FBN1: variants seen among roughly 807,000 people sequenced by gnomAD.
The protein encoded by FBN1 is fibrillin-1.
A neutral mutation model predicts 365.1 loss-of-function variants in FBN1; 29 were observed. The ratio of observed to expected loss-of-function variants is 0.08; its 90% confidence interval spans 0.06 to 0.11. The LOEUF (loss-of-function observed/expected upper bound fraction) is 0.11. Ranked by LOEUF, FBN1 falls within the 10% of genes least tolerant of loss-of-function variation. FBN1 has a pLI of 1.00. For synonymous variants in FBN1, 1,210 were observed against 1,270.5 expected, an observed-to-expected ratio of 0.95 and a Z score of 1.01; for missense variants, 2,476 against 3,703.2, an observed-to-expected ratio of 0.67 and a Z score of 8.60.
intron 51 of FBN1, 43 bp downstream of exon 51, chr15:48,437,725 G>A: frequency 1.2e-6 from 2 of 1,609,764 alleles, no homozygotes; most frequent in Middle Eastern, 1.7e-4. Context: ...TGGCCAGTCT[G>A]CACCCTGCAT....
At chr15:48,423,496 T>C (rs1457562236) in intron 60 of FBN1, among the ~76,000 whole-genome samples, 1 of 152,226 alleles carries the variant, frequency 6.6e-6, no homozygotes, top group Non-Finnish European at 1.5e-5. Context: ...TTCCCCTGTC[T>C]ATGGCCCAAG....
rs1243025749 is a variant in FBN1, at chr15:48,434,696, C to T, written c.6514G>A (p.Val2172Ile). 3.1e-6 allele frequency: 5 copies of T among 1,613,694 alleles called. No individual in the cohort carries two copies. The highest frequency in any genetic ancestry group is 4.2e-6 in the Non-Finnish European group (5 of 1,179,722). ...NECVDTDECS[V>I]GNPCGNGTCK... ...GTTCCATTTCCACAAGGATTGCCAA[C>T]AGAACATTCATCAGTATCTGCAAGA... is the stretch of plus-strand genomic sequence containing the variant. Residue 2172 changes from valine (V) to isoleucine (I), a missense_variant, in exon 54 of 66, where the codon GTT (valine) becomes ATT (isoleucine). Physicochemically the swap from Val to Ile is conservative, Grantham distance 29. Coordinates refer to ENST00000316623, the MANE Select transcript of FBN1 (RefSeq NM_000138.5).
chr15:48,464,087 TA>T (rs1395474849), intron 40 of FBN1, 66 bp from the exon 41 acceptor site: 2 of 1,493,842 alleles, frequency 1.3e-6, no homozygotes, highest in East Asian at 4.6e-5. Flanking sequence ...GCCTGATACT[TA>T]ATGAATGTTG....
At chr15:48,581,895 C>A (rs1370463532) in intron 6 of FBN1, among the ~76,000 whole-genome samples, 1 of 152,142 alleles carries the variant, frequency 6.6e-6, no homozygotes, top group Non-Finnish European at 1.5e-5. Context: ...TAGACACCTG[C>A]CTTAGAATTC....
chr15:48,537,690 G>C lies in FBN1; in HGVS notation c.657C>G (p.His219Gln), dbSNP rs774754863. Residue 219 changes from histidine (H) to glutamine (Q), a missense_variant, in exon 7 of 66, where the codon CAC (histidine) becomes CAG (glutamine). His to Gln is a conservative substitution (Grantham distance 24, BLOSUM62 0). Around this residue, in one of 5 missense-constraint regions of FBN1, gnomAD observed 421 missense variants for 520.1 expected, o/e 0.81. Transcript: ENST00000316623. ...CCATVGRAWG[H>Q]PCEMCPAQPH... is the part of the protein sequence containing the mutation. The stretch of plus-strand genomic sequence containing the variant: ...GCTGGGCAGGACACATCTCACAGGG[G>C]TGGCCCCAGGCTCGGCCGACTGTGG... 3.1e-6 allele frequency: 5 copies of C among 1,614,228 alleles called. No individual in the cohort carries two copies. The East Asian group carries it at 8.9e-5, about 29-fold the overall frequency.
intron 4 of FBN1, among the ~76,000 whole-genome samples, chr15:48,605,762 C>G (rs1024889032): frequency 1.3e-5 from 2 of 152,046 alleles, no homozygotes; most frequent in Non-Finnish European, 2.9e-5. Context: ...GTAGTCCCAG[C>G]TACTCAAGAG....
intron 44 of FBN1, 101 bp downstream of exon 44, chr15:48,456,535 TG>T: frequency 8.7e-7 from 1 of 1,150,936 alleles, no homozygotes; most frequent in South Asian, 1.2e-5. Flanking sequence ...TAGAGCTTAA[TG>T]CATTTCTGAA....
intron 2 of FBN1, among the ~76,000 whole-genome samples, chr15:48,615,236 T>C (rs1051483541): frequency 6.6e-6 from 1 of 152,006 alleles, no homozygotes; most frequent in Non-Finnish European, 1.5e-5. Flanking sequence ...GTCAGAGCAC[T>C]CCTGAGCCTT....
chr15:48,455,558 T>C (rs563922538), intron 44 of FBN1, among the ~76,000 whole-genome samples: 1 of 152,278 alleles, frequency 6.6e-6, no homozygotes, highest in South Asian at 2.1e-4. Context: ...CTGCCGTGGG[T>C]TCCCTCTCCC....
At chr15:48,450,045 G>C (rs552118187) in intron 45 of FBN1, among the ~76,000 whole-genome samples, 196 of 152,288 alleles carry the variant, frequency 1.3e-3, no homozygotes, top group Non-Finnish European at 2.3e-3. Flanking sequence ...AATTGAAATA[G>C]AGCAGCTTAG....
intron 57 of FBN1, 121 bp downstream of exon 57, chr15:48,428,225 G>A: frequency 7.6e-7 from 1 of 1,313,724 alleles, no homozygotes; most frequent in Non-Finnish European, 1.1e-6. Flanking sequence ...TCCAAAATAT[G>A]AACATTTTTT....
intron 6 of FBN1, among the ~76,000 whole-genome samples, chr15:48,593,606 T>A (rs1489332260): frequency 2.6e-5 from 4 of 152,178 alleles, no homozygotes; most frequent in Non-Finnish European, 5.9e-5. Flanking sequence ...CAGGAGATAC[T>A]TGTTCATATC....
intron 15 of FBN1, among the ~76,000 whole-genome samples, chr15:48,506,449 A>C (rs1389215160): frequency 2.0e-5 from 3 of 152,242 alleles, no homozygotes; most frequent in African/African-American, 7.2e-5. Context: ...TTATATTTAA[A>C]TACAGGAACT....
In FBN1 at chr15:48,489,990, G is replaced by C; in HGVS notation, c.2943C>G (p.Cys981Trp). ...TACCCCAGGCTGCCCCGACGGAGCAGCAGCAGGCGTCCATGCGGTGGCGGC... is the reference window on the plus strand; with the variant it reads ...TACCCCAGGCTGCCCCGACGGAGCACCAGCAGGCGTCCATGCGGTGGCGGC... Reference protein sequence around the residue: ...IAGRHRMDACCCSVGAAWGTE... With the variant: ...IAGRHRMDACWCSVGAAWGTE... The change falls in exon 25 of 66, where the codon TGC (cysteine) becomes TGG (tryptophan). Residue 981 changes from cysteine (C) to tryptophan (W), a missense_variant. Transcript: ENST00000316623. 1 of 1,614,100 alleles carries C rather than the reference G, an allele frequency of 6.2e-7. No individual in the cohort carries two copies. Among genetic ancestry groups the C allele is most frequent in the South Asian group, 1.1e-5 (1 of 91,068 alleles).
intron 24 of FBN1, among the ~76,000 whole-genome samples, chr15:48,490,894 T>C (rs1463418112): frequency 1.3e-5 from 2 of 152,260 alleles, no homozygotes; most frequent in African/African-American, 4.8e-5. Flanking sequence ...ATTATGCATC[T>C]GAAAATAATG....
chr15:48,621,985 G>A (rs1297907061), intron 2 of FBN1, among the ~76,000 whole-genome samples: 3 of 148,692 alleles, frequency 2.0e-5, no homozygotes, highest in Admixed American at 6.7e-5. Flanking sequence ...GTGACAGAGC[G>A]AGACTCTGTC....
intron 6 of FBN1, among the ~76,000 whole-genome samples, chr15:48,595,088 C>T (rs1444546019): frequency 6.6e-6 from 1 of 152,158 alleles, no homozygotes; most frequent in Admixed American, 6.5e-5. Flanking sequence ...ATGCAGTGGT[C>T]CCATTAATAG....
intron 2 of FBN1, among the ~76,000 whole-genome samples, chr15:48,639,868 C>G (rs753634477): frequency 1.3e-5 from 2 of 152,082 alleles, no homozygotes; most frequent in Non-Finnish European, 2.9e-5. Context: ...TTCAAGAAAA[C>G]ATTTGTAAAA....
At chr15:48,621,991 C>G (rs1321177773) in intron 2 of FBN1, among the ~76,000 whole-genome samples, 1 of 149,632 alleles carries the variant, frequency 6.7e-6, no homozygotes, top group African/African-American at 2.5e-5. Flanking sequence ...GAGCGAGACT[C>G]TGTCTCAAAA....
Sources: allele counts gnomAD v4.1 joint callset (sites outside exome capture counted in the v4.1 genomes callset), GRCh38; gene constraint gnomAD v4.1.1; regional missense constraint gnomAD v4.1.1; transcripts MANE v1.5; gene names NCBI Gene and HGNC (gene_info 2026-07-23, HGNC 2026-07-21).